Variants in DSCAML1 observed in about 807,000 individuals in gnomAD.
The protein encoded by DSCAML1 is DS cell adhesion molecule like 1.
A neutral mutation model predicts 200.5 loss-of-function variants in DSCAML1; 38 were observed. The ratio of observed to expected loss-of-function variants is 0.19; its 90% CI spans 0.15 to 0.25. The LOEUF (loss-of-function observed/expected upper bound fraction) is 0.25, where lower values mean the gene tolerates loss of function less well. Among genes scored for constraint, DSCAML1 ranks in the 10% least tolerant of loss-of-function variants. The pLI is 1.00. For synonymous variants in DSCAML1, 1,215 were observed against 1,165.0 expected (o/e 1.04, Z -0.87); for missense variants, 2,223 against 2,858.8 (o/e 0.78, Z 5.07).
At chr11:117,431,175 G>T in intron 31 of DSCAML1, 142 bp from the exon 32 acceptor site, 1 of 767,094 alleles carries the variant, frequency 1.3e-6, no homozygotes, top group South Asian at 1.8e-5. Flanking sequence ...TCCCGTGAAG[G>T]TGGCAGTGGT....
At position 117,458,918 on chromosome 11, in the gene DSCAML1, G is replaced by C. The variant is rs370785641; in HGVS notation, c.3413-9C>G. 143 of 1,612,178 alleles carry C rather than the reference G, an allele frequency of 8.9e-5. No homozygotes were observed. The highest frequency in any genetic ancestry group is 1.2e-4 in the Non-Finnish European group (141 of 1,179,470). On this transcript the variant is annotated splice_polypyrimidine_tract_variant and intron_variant, in intron 18 of 32. Coordinates refer to ENST00000651296, the MANE Select transcript of DSCAML1 (RefSeq NM_020693.4). ...CTGCATCTCGCCCCACTCTGCCAGA[G>C]ACCAGCAAACTCTGAGGACCCAGCT...
At chr11:117,756,371 G>A (rs1275644296) in intron 3 of DSCAML1, among the ~76,000 whole-genome samples, 1 of 152,192 alleles carries the variant, frequency 6.6e-6, no homozygotes. Flanking sequence ...GAAGGCTGAG[G>A]AAACATTTGG....
chr11:117,773,624 T>TA (rs1416972010), intron 3 of DSCAML1, among the ~76,000 whole-genome samples: 3 of 152,034 alleles, frequency 2.0e-5, no homozygotes, highest in African/African-American at 7.2e-5. Flanking sequence ...CCTATTTTTA[T>TA]AAAAAATCGA....
At chr11:117,556,046 C>T (rs1409321530) in intron 3 of DSCAML1, among the ~76,000 whole-genome samples, 1 of 152,150 alleles carries the variant, frequency 6.6e-6, no homozygotes, top group African/African-American at 2.4e-5. Flanking sequence ...GGCTCTGCCA[C>T]TTATTGATGT....
chr11:117,781,001 T>C (rs958768374), intron 1 of DSCAML1, among the ~76,000 whole-genome samples, 191 bp from the exon 2 acceptor site: 7 of 152,170 alleles, frequency 4.6e-5, no homozygotes, highest in Admixed American at 3.3e-4. Flanking sequence ...TCCTGATCTA[T>C]AGAAAACCAC....
At position 117,714,882 on chromosome 11, in the gene DSCAML1, G is replaced by A. The variant is rs528030631; in HGVS notation, c.511+61909C>T. ...CTTGCCCAAAGCCATGGAGACACAC[G>A]ATGACGCAGCTGGAAGGAGGCCCCA... On this transcript the variant is annotated intron_variant, in intron 3 of 32. Coordinates refer to ENST00000651296, the MANE Select transcript of DSCAML1 (RefSeq NM_020693.4). Among the ~76,000 whole-genome samples, 8 of 144,376 alleles carry A rather than the reference G, an allele frequency of 5.5e-5. No individual in the cohort carries two copies. The South Asian group carries it at 1.4e-3, about 24-fold the overall frequency. 94.7% of individuals were successfully genotyped at this position (144,376 alleles called of 152,430 possible). A position where few individuals can be genotyped will look rare whatever the true frequency, so the allele number is the denominator to read the frequency against.
chr11:117,805,026 C>T (rs2055697708), intron 1 of DSCAML1, among the ~76,000 whole-genome samples: 1 of 152,220 alleles, frequency 6.6e-6, no homozygotes, highest in Admixed American at 6.5e-5. Context: ...CAGTAGGTAG[C>T]TGATCTTCTC....
At position 117,816,798 on chromosome 11, in the gene DSCAML1, T is replaced by TGGG. The variant is rs1024946477; in HGVS notation, c.-250+589_-250+591dup. On this transcript the variant is annotated intron_variant, in intron 1 of 2. Transcript: ENST00000525836. Reference sequence around the variant, plus strand: ...TACAAGAGAGAGAGTTCGGAATTGCTGGGGGGGTGGGGTGGAGATTTCTCC... The same window carrying TGGG: ...TACAAGAGAGAGAGTTCGGAATTGCTGGGGGGGGGGTGGGGTGGAGATTTCTCC... Among the ~76,000 whole-genome samples the TGGG allele has an allele frequency of 6.0e-3, 596 of 99,154 alleles. 12 individuals are homozygous for TGGG. Among genetic ancestry groups the TGGG allele is most frequent in the African/African-American group, 0.018 (498 of 28,106 alleles). 65.0% of individuals were successfully genotyped at this position (99,154 alleles called of 152,430 possible). A position where few individuals can be genotyped will look rare whatever the true frequency, so the allele number is the denominator to read the frequency against.
intron 12 of DSCAML1, 90 bp from the exon 13 acceptor site, chr11:117,481,360 A>T (rs2048912147): frequency 7.9e-7 from 1 of 1,270,760 alleles, no homozygotes; most frequent in Non-Finnish European, 1.1e-6. Flanking sequence ...CAGGGCTCTC[A>T]GCAAGGCCCT....
Position 117,521,181 on chromosome 11 carries a change from C to T in DSCAML1, c.1162G>A (p.Ala388Thr), listed in dbSNP as rs1335672106. 4 of 1,614,018 alleles carry T rather than the reference C, an allele frequency of 2.5e-6. No homozygotes were observed. The highest frequency in any genetic ancestry group is 1.3e-5 in the African/African-American group (1 of 74,932). Reference sequence around the variant, plus strand: ...TGGGCGGTCTGGGCCTTGCGGGTAGCGAAGCACTGGTAGGCCCCGGAATGG... The same window carrying T: ...TGGGCGGTCTGGGCCTTGCGGGTAGTGAAGCACTGGTAGGCCCCGGAATGG... ...KSHSGAYQCF[A>T]TRKAQTAQDF... Residue 388 changes from alanine to threonine, a missense_variant, in exon 6 of 33, where the codon GCT (alanine) becomes ACT (threonine). By Grantham distance (58) the Ala-to-Thr change is moderately conservative. This residue lies in a region of DSCAML1 where 579 missense variants were observed against 721.5 expected (regional missense o/e 0.80). Coordinates refer to ENST00000651296, the MANE Select transcript of DSCAML1 (RefSeq NM_020693.4).
At position 117,524,952 on chromosome 11, in the gene DSCAML1, G is replaced by A. The variant is rs377588144; in HGVS notation, c.790C>T (p.Arg264Trp). The A allele has an allele frequency of 5.6e-6, 9 of 1,613,310 alleles. No homozygotes were observed. The highest frequency in any genetic ancestry group is 4.0e-5 in the African/African-American group (3 of 74,916). Residue 264 changes from arginine to tryptophan, a missense_variant, in exon 5 of 33, where the codon CGG (arginine) becomes TGG (tryptophan). Arg to Trp is a moderately radical substitution (Grantham distance 101). Around this residue, in one of 7 missense-constraint regions of DSCAML1, gnomAD observed 579 missense variants for 721.5 expected, o/e 0.80. Transcript: ENST00000651296. ...IPAIRWLKDG[R>W]PLPADSRWTK... is the part of the protein sequence containing the mutation. ...CAGCGGCTGTCAGCCGGGAGGGGCC[G>A]GCCATCCTTGAGCCAGCGGATGGCG...
At chr11:117,706,373 G>A (rs931493415) in intron 3 of DSCAML1, among the ~76,000 whole-genome samples, 4 of 152,142 alleles carry the variant, frequency 2.6e-5, no homozygotes, top group Non-Finnish European at 4.4e-5. Context: ...TACAGAGATC[G>A]TAGTTCAGAT....
At chr11:117,571,876 C>A (rs1042602661) in intron 3 of DSCAML1, among the ~76,000 whole-genome samples, 1 of 152,122 alleles carries the variant, frequency 6.6e-6, no homozygotes, top group Non-Finnish European at 1.5e-5. Flanking sequence ...AGGAGCTGGC[C>A]AAAACCCACC....
intron 3 of DSCAML1, among the ~76,000 whole-genome samples, chr11:117,555,419 A>C (rs1316356017): frequency 1.3e-5 from 2 of 152,162 alleles, no homozygotes; most frequent in African/African-American, 4.8e-5. Flanking sequence ...AAACTCCCTG[A>C]CAGGAGGAGC....
chr11:117,462,027 C>A (rs2048492025), intron 17 of DSCAML1, among the ~76,000 whole-genome samples: 1 of 152,176 alleles, frequency 6.6e-6, no homozygotes, highest in African/African-American at 2.4e-5. Flanking sequence ...CATCTGATGG[C>A]TGCCAGCCCC....
chr11:117,711,140 T>G (rs556654925), intron 3 of DSCAML1, among the ~76,000 whole-genome samples: 3 of 152,174 alleles, frequency 2.0e-5, no homozygotes, highest in African/African-American at 7.2e-5. Context: ...ACAGGCTTTT[T>G]CCTTTATGCC....
chr11:117,654,742 C>T lies in DSCAML1; in HGVS notation c.511+122049G>A, dbSNP rs979516119. On this transcript the variant is annotated intron_variant, in intron 3 of 32. Transcript: ENST00000651296. Reference sequence around the variant, plus strand: ...AGATCAATCCAGAACACAGCTAGGACGGCCTTGTTCTCACCCAGGCACATG... The same window carrying T: ...AGATCAATCCAGAACACAGCTAGGATGGCCTTGTTCTCACCCAGGCACATG... 9.8e-5 allele frequency among the ~76,000 whole-genome samples: 15 copies of T among 152,308 alleles called. No homozygotes were observed. The South Asian group carries it at 1.2e-3, about 13-fold the overall frequency.
At chr11:117,812,662 G>T in intron 1 of DSCAML1, among the ~76,000 whole-genome samples, 1 of 151,544 alleles carries the variant, frequency 6.6e-6, no homozygotes. Flanking sequence ...CATTACTTCA[G>T]TCAAGCCCAA....
At chr11:117,800,007 T>G (rs530889098), upstream of DSCAML1, among the ~76,000 whole-genome samples, 39 of 152,336 alleles carry the variant, frequency 2.6e-4, no homozygotes, top group African/African-American at 9.1e-4. Flanking sequence ...GGAAAGGGGC[T>G]GCAGAAACAC....
Sources: gnomAD v4.1 joint callset for allele counts (sites outside exome capture counted in the v4.1 genomes callset) on GRCh38, gnomAD v4.1.1 for gene constraint, gnomAD v4.1.1 regional missense constraint, MANE v1.5 for transcripts, NCBI Gene and HGNC (gene_info 2026-07-23, HGNC 2026-07-21) for gene names.